The following COX7B2 variants were observed in gnomAD, a reference collection of about 807,000 sequenced individuals.
The protein encoded by COX7B2 is cytochrome c oxidase subunit 7B2.
For missense variants in COX7B2, 109 were observed against 95.9 expected (o/e 1.14, Z -0.57); for synonymous variants, 37 against 32.1 (o/e 1.15, Z -0.51).
intron 2 of COX7B2, among the ~76,000 whole-genome samples, chr4:46,762,643 A>T (rs1716256613): frequency 6.7e-6 from 1 of 149,412 alleles, no homozygotes; most frequent in African/African-American, 2.4e-5. Flanking sequence ...TGGATATTTG[A>T]GCGTATTGTC....
chr4:46,740,191 T>C (rs1264507699), intron 2 of COX7B2, among the ~76,000 whole-genome samples: 1 of 151,898 alleles, frequency 6.6e-6, no homozygotes, highest in Non-Finnish European at 1.5e-5. Context: ...AAAGTGTTCG[T>C]TTGCAAGGGA....
At position 46,872,136 on chromosome 4, in the gene COX7B2, C is replaced by A. The variant is rs151123616; in HGVS notation, c.-104-27122G>T. 2.0e-3 allele frequency among the ~76,000 whole-genome samples: 306 copies of A among 152,262 alleles called. 2 individuals carry two copies. The highest frequency in any genetic ancestry group is 7.0e-3 in the African/African-American group (289 of 41,548). On this transcript the variant is annotated intron_variant, in intron 1 of 2. Transcript: ENST00000355591. ...TATATATACACCATGGAATACTATG[C>A]AGCCATAAAAATTAATGAGATCATG...
At chr4:46,832,910 T>C (rs1346216491) in intron 2 of COX7B2, among the ~76,000 whole-genome samples, 2 of 152,006 alleles carry the variant, frequency 1.3e-5, no homozygotes, top group Non-Finnish European at 2.9e-5. Context: ...GAGCCTTTTT[T>C]TTTTTCTTTT....
intron 2 of COX7B2, among the ~76,000 whole-genome samples, chr4:46,838,650 A>G (rs2109748819): frequency 6.6e-6 from 1 of 152,144 alleles, no homozygotes; most frequent in East Asian, 1.9e-4. Context: ...GTTTCTCTCA[A>G]GTGGGTGGTG....
intron 2 of COX7B2, among the ~76,000 whole-genome samples, chr4:46,754,722 G>GTA (rs1396491793): frequency 0.022 from 761 of 34,078 alleles, 12 homozygotes; most frequent in African/African-American, 0.031. Context: ...GTGTGTGTGT[G>GTA]TGTGTGTATA....
intron 2 of COX7B2, among the ~76,000 whole-genome samples, chr4:46,824,880 C>A (rs1714572452): frequency 6.6e-6 from 1 of 151,754 alleles, no homozygotes. Flanking sequence ...AGGAACATAC[C>A]TAAAAATAAT....
chr4:46,885,936 T>C (rs544840819), intron 1 of COX7B2, among the ~76,000 whole-genome samples: 4 of 152,308 alleles, frequency 2.6e-5, no homozygotes, highest in Admixed American at 6.5e-5. Flanking sequence ...TTATTTTTCA[T>C]GTTAGAATAA....
chr4:46,746,446 C>T (rs1168146992), intron 2 of COX7B2, among the ~76,000 whole-genome samples: 1 of 152,104 alleles, frequency 6.6e-6, no homozygotes, highest in Non-Finnish European at 1.5e-5. Context: ...AGGGCATTGA[C>T]CAAAAGTGGA....
chr4:46,805,662 T>A (rs1034425563), intron 2 of COX7B2, among the ~76,000 whole-genome samples: 6 of 152,200 alleles, frequency 3.9e-5, no homozygotes, highest in Admixed American at 2.0e-4. Context: ...TATTTCCCTC[T>A]CCTTTTTGCC....
chr4:46,785,958 T>C (rs1220182401), intron 2 of COX7B2, among the ~76,000 whole-genome samples: 1 of 152,182 alleles, frequency 6.6e-6, no homozygotes, highest in Non-Finnish European at 1.5e-5. Context: ...AAATAATGCA[T>C]GAAAAATGCT....
chr4:46,870,118 G>T (rs1489142289), intron 1 of COX7B2, among the ~76,000 whole-genome samples: 1 of 151,814 alleles, frequency 6.6e-6, no homozygotes, highest in Non-Finnish European at 1.5e-5. Context: ...CAGACATCCA[G>T]TCTTTAAGTT....
At chr4:46,768,962 G>A (rs1716711918) in intron 2 of COX7B2, among the ~76,000 whole-genome samples, 1 of 151,640 alleles carries the variant, frequency 6.6e-6, no homozygotes, top group Non-Finnish European at 1.5e-5. Context: ...TAGAAAAAAT[G>A]AAAAAAATTC....
intron 1 of COX7B2, among the ~76,000 whole-genome samples, chr4:46,866,237 A>G (rs1717655888): frequency 6.6e-6 from 1 of 152,226 alleles, no homozygotes; most frequent in Admixed American, 6.5e-5. Flanking sequence ...TCTGGAAAAT[A>G]GGAGCTGTCT....
intron 2 of COX7B2, among the ~76,000 whole-genome samples, chr4:46,762,283 AT>A (rs1716217930): frequency 7.2e-6 from 1 of 139,672 alleles, no homozygotes; most frequent in Admixed American, 7.7e-5. Context: ...TATATGTAAC[AT>A]ATATAAAATA....
intron 2 of COX7B2, among the ~76,000 whole-genome samples, chr4:46,778,338 T>C (rs982746339): frequency 2.6e-5 from 4 of 152,150 alleles, no homozygotes; most frequent in African/African-American, 9.6e-5. Context: ...TTAATTTTCC[T>C]TTTTCAATAT....
At chr4:46,769,760 T>C (rs977896036) in intron 2 of COX7B2, among the ~76,000 whole-genome samples, 1 of 152,024 alleles carries the variant, frequency 6.6e-6, no homozygotes, top group African/African-American at 2.4e-5. Context: ...TATACAATGA[T>C]CTTAAATGCA....
chr4:46,884,150 A>G (rs1473623918), intron 1 of COX7B2, among the ~76,000 whole-genome samples: 1 of 133,964 alleles, frequency 7.5e-6, no homozygotes, highest in East Asian at 2.5e-4. Flanking sequence ...ATTCCCAAGC[A>G]TATCTAATTA....
At chr4:46,894,413 G>T (rs1166625107) in intron 1 of COX7B2, among the ~76,000 whole-genome samples, 2 of 152,026 alleles carry the variant, frequency 1.3e-5, no homozygotes. Context: ...TCAATAAACG[G>T]TGCTGGAATA....
intron 2 of COX7B2, among the ~76,000 whole-genome samples, chr4:46,842,715 T>C (rs1716016487): frequency 6.6e-6 from 1 of 152,098 alleles, no homozygotes; most frequent in Non-Finnish European, 1.5e-5. Flanking sequence ...TCCATGTCCC[T>C]ACAAAGGACA....
Sources: gnomAD v4.1 joint callset for allele counts (sites outside exome capture counted in the v4.1 genomes callset) on GRCh38, gnomAD v4.1.1 for gene constraint, MANE v1.5 for transcripts, NCBI Gene and HGNC (gene_info 2026-07-23, HGNC 2026-07-21) for gene names.